The following RNFT1 variants were observed in gnomAD, a reference collection of about 807,000 sequenced individuals.
RNFT1 encodes the protein E3 ubiquitin-protein ligase RNFT1.
In RNFT1, 35 loss-of-function variants were observed where a neutral mutation model predicts 53.2. The observed-to-expected ratio is 0.66, with a 90% CI of 0.50 to 0.87. The LOEUF (loss-of-function observed/expected upper bound fraction) is 0.87. Ranked by LOEUF, RNFT1 falls within the 40% of genes least tolerant of loss-of-function variation. The pLI, the probability that RNFT1 is intolerant of heterozygous loss-of-function variation, is 0.00. For synonymous variants in RNFT1, 141 were observed against 172.8 expected (o/e 0.82, Z 1.44); for missense variants, 421 against 515.0 (o/e 0.82, Z 1.77).
chr17:59,953,067 C>G lies in RNFT1; in HGVS notation c.1218G>C (p.Glu406Asp), dbSNP rs1266244602. The G allele has an allele frequency of 6.2e-7, 1 of 1,612,508 alleles. No homozygotes were observed. Among genetic ancestry groups the G allele is most frequent in the Admixed American group, 1.7e-5 (1 of 60,008 alleles). The change falls in exon 9 of 9, where the codon GAG (glutamate) becomes GAC (aspartate). Residue 406 changes from glutamate to aspartate, a missense_variant. Physicochemically the swap from Glu to Asp is conservative, Grantham distance 45. Transcript: ENST00000305783. ...CAGTTCTGCAGAGTGGACATGTTTT[C>G]TCTCTGTTAAACCATAAGGTCATGC... Reference protein sequence around the residue: ...EECMTLWFNREKTCPLCRTVI... With the variant: ...EECMTLWFNRDKTCPLCRTVI...
intron 6 of RNFT1, among the ~76,000 whole-genome samples, chr17:59,956,992 A>T (rs1222841108): frequency 6.6e-6 from 1 of 152,204 alleles, no homozygotes; most frequent in African/African-American, 2.4e-5. Context: ...CTACTTAGAT[A>T]ATCCACGCTA....
intron 3 of RNFT1, among the ~76,000 whole-genome samples, chr17:59,961,578 TTC>T (rs1361510985): frequency 2.6e-5 from 4 of 152,078 alleles, no homozygotes; most frequent in Admixed American, 6.5e-5. Context: ...GGGTTTCATT[TTC>T]TCTCTTTTTT....
intron 5 of RNFT1, 85 bp downstream of exon 5, chr17:59,958,206 A>G (rs2045266068): frequency 8.1e-6 from 11 of 1,363,796 alleles, no homozygotes; most frequent in Non-Finnish European, 7.9e-6. Flanking sequence ...AAAACTGCAA[A>G]AGGAGGATTC....
Position 59,963,154 on chromosome 17 carries a change from C to T in RNFT1, c.187G>A (p.Val63Ile). 18 of 1,614,202 alleles carry T rather than the reference C, an allele frequency of 1.1e-5. No individual in the cohort carries two copies. Among genetic ancestry groups the T allele is most frequent in the Non-Finnish European group, 1.5e-5 (18 of 1,180,036 alleles). Residue 63 changes from valine (V) to isoleucine (I), a missense_variant, in exon 2 of 9, where the codon GTC becomes ATC. Val to Ile is a conservative substitution (Grantham distance 29). Transcript: ENST00000305783. Reference sequence around the variant, plus strand: ...CCCTCTCCTGTCAATCTTGTGTGGACACACTGAGGGGTTGAGGCATCCTCA... The same window carrying T: ...CCCTCTCCTGTCAATCTTGTGTGGATACACTGAGGGGTTGAGGCATCCTCA... ...SSEDASTPQCVHTRLTGEGSC... is the reference protein window; with the variant it reads ...SSEDASTPQCIHTRLTGEGSC...
At chr17:59,964,482 C>T in intron 1 of RNFT1, 126 bp downstream of exon 1, 1 of 757,588 alleles carries the variant, frequency 1.3e-6, no homozygotes. Flanking sequence ...CAACACAACT[C>T]TTCCGGAATC....
intron 8 of RNFT1, among the ~76,000 whole-genome samples, chr17:59,953,792 A>G (rs16943969): frequency 0.13 from 19,912 of 152,160 alleles, 1,560 homozygotes; most frequent in Middle Eastern, 0.22. Context: ...ATTATAAAAT[A>G]GCCTGTTTTT....
chr17:59,955,352 ACT>A (rs1321338035), intron 7 of RNFT1, among the ~76,000 whole-genome samples: 2 of 152,150 alleles, frequency 1.3e-5, no homozygotes, highest in African/African-American at 4.8e-5. Context: ...TTAAGACGTT[ACT>A]CATCTGGCAT....
chr17:59,962,817 T>G lies in RNFT1; in HGVS notation c.514+10A>C. The G allele has an allele frequency of 1.9e-6, 3 of 1,593,702 alleles. No individual in the cohort carries two copies. The highest frequency in any genetic ancestry group is 2.6e-6 in the Non-Finnish European group (3 of 1,165,658). On this transcript the variant is annotated intron_variant, in intron 2 of 8. Transcript: ENST00000305783. ...GAATGAAAACAAGTCAATGTTTTAT[T>G]ATGTCCTACCTGTTATATGCTGCAT...
At position 59,961,529 on chromosome 17, in the gene RNFT1, T is replaced by C. The variant is rs368418433; in HGVS notation, c.591+1011A>G. Among the ~76,000 whole-genome samples the C allele has an allele frequency of 2.2e-4, 33 of 152,296 alleles. No individual in the cohort carries two copies. The East Asian group carries it at 5.4e-3, about 25-fold the overall frequency. Reference sequence around the variant, plus strand: ...ATCCTCTTTTTCCCAATGATTTATATGACGGGCTCGTGTAACTTATGTTAT... The same window carrying C: ...ATCCTCTTTTTCCCAATGATTTATACGACGGGCTCGTGTAACTTATGTTAT... On this transcript the variant is annotated intron_variant, in intron 3 of 8. Transcript: ENST00000305783.
At position 59,962,604 on chromosome 17, in the gene RNFT1, C is replaced by G; in HGVS notation, c.527G>C (p.Gly176Ala). The change falls in exon 3 of 9, where the codon GGA (glycine) becomes GCA (alanine). Residue 176 changes from glycine to alanine, a missense_variant. Coordinates refer to ENST00000305783, the MANE Select transcript of RNFT1 (RefSeq NM_016125.4). ...VMQHITGISL[G>A]IGLLTTFMYA... The stretch of plus-strand genomic sequence containing the variant: ...CATAAAAGTTGTTAGCAGCCCAATT[C>G]CAAGAGAAATTCCTGTTAGAAAATA... 3.8e-6 allele frequency: 6 copies of G among 1,598,524 alleles called. No individual in the cohort carries two copies. The highest frequency in any genetic ancestry group is 5.1e-6 in the Non-Finnish European group (6 of 1,175,170).
At chr17:59,962,708 T>C in intron 2 of RNFT1, 92 bp from the exon 3 acceptor site, 3 of 1,331,416 alleles carry the variant, frequency 2.3e-6, no homozygotes, top group South Asian at 2.7e-5. Context: ...AATAAACATA[T>C]ACAATAATAA....
intron 5 of RNFT1, among the ~76,000 whole-genome samples, chr17:59,957,750 CAGG>C (rs1423993724): frequency 6.6e-6 from 1 of 152,098 alleles, no homozygotes; most frequent in African/African-American, 2.4e-5. Flanking sequence ...GAGGCTGAGG[CAGG>C]AGAACTGCCT....
At chr17:59,955,784 C>T (rs2045250860) in intron 7 of RNFT1, among the ~76,000 whole-genome samples, 1 of 152,052 alleles carries the variant, frequency 6.6e-6, no homozygotes, top group Non-Finnish European at 1.5e-5. Flanking sequence ...TCTCCTTGGG[C>T]CCTGATGAAA....
intron 3 of RNFT1, among the ~76,000 whole-genome samples, chr17:59,961,009 G>T (rs2045287822): frequency 6.6e-6 from 1 of 150,982 alleles, no homozygotes; most frequent in South Asian, 2.1e-4. Context: ...TCCCAACTCA[G>T]CCTCCCAAGT....
In RNFT1 at chr17:59,960,263, AT is replaced by A. The variant is rs1223154110; in HGVS notation, c.592-96del. ...ACTTTAATGACTATTAACTTAGAAT[AT>A]TTTTCTAAATCTTAATATAGAATAT... On this transcript the variant is annotated intron_variant, in intron 3 of 8. Coordinates refer to ENST00000305783, the MANE Select transcript of RNFT1 (RefSeq NM_016125.4). The A allele has an allele frequency of 5.2e-6, 7 of 1,345,380 alleles. No individual in the cohort carries two copies. The African/African-American group carries it at 1.0e-4, about 20-fold the overall frequency. The allele number at this position is 1,345,380 out of a possible 1,614,324, so 83.3% of individuals were successfully genotyped here.
chr17:59,961,046 T>TC (rs1437357492), intron 3 of RNFT1, among the ~76,000 whole-genome samples: 1 of 150,816 alleles, frequency 6.6e-6, no homozygotes, highest in African/African-American at 2.4e-5. Context: ...TTTTTTTTTT[T>TC]ACTTTTTTGA....
intron 1 of RNFT1, among the ~76,000 whole-genome samples, chr17:59,963,557 ACAG>A: frequency 6.6e-6 from 1 of 152,152 alleles, no homozygotes; most frequent in African/African-American, 2.4e-5. Flanking sequence ...CATCCGCAAA[ACAG>A]TCATGAAGTA....
At chr17:59,959,512 T>G (rs1364323835) in intron 4 of RNFT1, 4 of 152,206 alleles carry the variant, frequency 2.6e-5, no homozygotes, top group Non-Finnish European at 5.9e-5. Context: ...TAATGGTACT[T>G]TAAAAATACG....
At chr17:59,955,563 T>C (rs2045248768) in intron 7 of RNFT1, among the ~76,000 whole-genome samples, 1 of 152,204 alleles carries the variant, frequency 6.6e-6, no homozygotes, top group African/African-American at 2.4e-5. Context: ...TAATCATCAG[T>C]TGAACTGACT....
Sources: gnomAD v4.1 joint callset for allele counts (sites outside exome capture counted in the v4.1 genomes callset) on GRCh38, gnomAD v4.1.1 for gene constraint, MANE v1.5 for transcripts, NCBI Gene and HGNC (gene_info 2026-07-23, HGNC 2026-07-21) for gene names.